Variants in PPP3CA observed in about 807,000 individuals in gnomAD.
PPP3CA encodes CAM-PRP catalytic subunit.
Under a neutral mutation model 66.5 loss-of-function variants are expected in PPP3CA, and 14 were observed. The observed-to-expected ratio is 0.21, with a 90% CI of 0.14 to 0.33. The LOEUF (loss-of-function observed/expected upper bound fraction) is 0.33, where lower values mean the gene tolerates loss of function less well. Ranked by LOEUF, PPP3CA falls within the 10% of genes least tolerant of loss-of-function variation. The pLI is 1.00. For missense variants in PPP3CA, 317 were observed against 639.5 expected (o/e 0.50, Z 5.44); for synonymous variants, 232 against 226.2 (o/e 1.03, Z -0.23).
chr4:101,220,615 T>C (rs1725595273), intron 1 of PPP3CA, among the ~76,000 whole-genome samples: 1 of 151,734 alleles, frequency 6.6e-6, no homozygotes. Context: ...TGTTTGTTTT[T>C]CTTAATTATT....
chr4:101,040,052 A>G (rs1727437821), intron 11 of PPP3CA, among the ~76,000 whole-genome samples: 1 of 152,208 alleles, frequency 6.6e-6, no homozygotes, highest in African/African-American at 2.4e-5. Context: ...AATAACATAG[A>G]TTCACATGAA....
At chr4:101,144,376 G>A (rs75372805) in intron 2 of PPP3CA, among the ~76,000 whole-genome samples, 6,058 of 152,192 alleles carry the variant, frequency 0.04, 201 homozygotes, top group Middle Eastern at 0.11. Flanking sequence ...CCCTCAGCTG[G>A]AAAATAGTAT....
intron 1 of PPP3CA, among the ~76,000 whole-genome samples, chr4:101,301,746 CT>C: frequency 6.7e-6 from 1 of 149,464 alleles, no homozygotes; most frequent in Non-Finnish European, 1.5e-5. Flanking sequence ...CCGCCTCAGC[CT>C]CCCAAAGTGC....
At chr4:101,038,660 G>A (rs1370439915) in intron 11 of PPP3CA, among the ~76,000 whole-genome samples, 1 of 152,188 alleles carries the variant, frequency 6.6e-6, no homozygotes, top group African/African-American at 2.4e-5. Context: ...GAGCCACCAC[G>A]CCCGGCCACT....
At chr4:101,229,516 T>C (rs185597290) in intron 1 of PPP3CA, among the ~76,000 whole-genome samples, 1 of 151,758 alleles carries the variant, frequency 6.6e-6, no homozygotes, top group Non-Finnish European at 1.5e-5. Context: ...GTTCTTGTAC[T>C]TTTCAAGAAC....
chr4:101,091,287 C>T (rs753896409), intron 6 of PPP3CA, among the ~76,000 whole-genome samples: 15 of 152,250 alleles, frequency 9.9e-5, no homozygotes, highest in Non-Finnish European at 1.3e-4. Flanking sequence ...CGTACTTTAA[C>T]AATGCCAACT....
At chr4:101,156,231 C>T (rs1723314558) in intron 2 of PPP3CA, among the ~76,000 whole-genome samples, 1 of 152,218 alleles carries the variant, frequency 6.6e-6, no homozygotes, top group Non-Finnish European at 1.5e-5. Context: ...ACAGAGGGTG[C>T]TTCCACATCT....
At chr4:101,280,623 C>T (rs1161287998) in intron 1 of PPP3CA, among the ~76,000 whole-genome samples, 1 of 151,974 alleles carries the variant, frequency 6.6e-6, no homozygotes, top group Non-Finnish European at 1.5e-5. Context: ...AGTTCGAGAC[C>T]GGCCTAGCCA....
At position 101,113,017 on chromosome 4, in the gene PPP3CA, C is replaced by T. The variant is rs530430109; in HGVS notation, c.260-3939G>A. Reference sequence around the variant, plus strand: ...AAGAGGCCAGAGATTTTGAGATACCCTTGTGATTGATAGAGATTGACAAGT... The same window carrying T: ...AAGAGGCCAGAGATTTTGAGATACCTTTGTGATTGATAGAGATTGACAAGT... On this transcript the variant is annotated intron_variant, in intron 2 of 13. Transcript: ENST00000394854. Among the ~76,000 whole-genome samples, 13 of 152,222 alleles carry T rather than the reference C, an allele frequency of 8.5e-5. 1 individual carries two copies. Among genetic ancestry groups the T allele is most frequent in the Non-Finnish European group, 1.8e-4 (12 of 68,004 alleles).
At chr4:101,114,143 T>G (rs1399221934) in intron 2 of PPP3CA, among the ~76,000 whole-genome samples, 1 of 152,096 alleles carries the variant, frequency 6.6e-6, no homozygotes, top group Non-Finnish European at 1.5e-5. Context: ...ATACAAGTAT[T>G]TAAAACACTC....
At chr4:101,134,818 T>TG (rs1722563689) in intron 2 of PPP3CA, among the ~76,000 whole-genome samples, 1 of 152,122 alleles carries the variant, frequency 6.6e-6, no homozygotes, top group African/African-American at 2.4e-5. Context: ...AGCAAAGACT[T>TG]GGGGACAATC....
chr4:101,257,884 C>T (rs1726896616), intron 1 of PPP3CA, among the ~76,000 whole-genome samples: 1 of 152,010 alleles, frequency 6.6e-6, no homozygotes, highest in South Asian at 2.1e-4. Context: ...CAAAACGTGA[C>T]CAAAAATAAT....
Position 101,106,410 on chromosome 4 carries a change from AAAGAAAG to A in PPP3CA, c.384+2537_384+2543del, listed in dbSNP as rs1560604823. ...GAAAGAAAGAAAGAAAGAAAGAAAG[AAAGAAAG>A]AAAGAAAGAAAGAAAGAAAGAAAGA... On this transcript the variant is annotated intron_variant, in intron 3 of 13. Transcript: ENST00000394854. Among the ~76,000 whole-genome samples the A allele has an allele frequency of 9.8e-4, 10 of 10,242 alleles. 1 individual carries two copies. The highest frequency in any genetic ancestry group is 3.2e-3 in the African/African-American group (10 of 3,104). 6.7% of individuals were successfully genotyped at this position (10,242 alleles called of 152,430 possible). A position where few individuals can be genotyped will look rare whatever the true frequency, so the allele number is the denominator to read the frequency against.
intron 1 of PPP3CA, among the ~76,000 whole-genome samples, chr4:101,215,598 C>T (rs1410402000): frequency 1.3e-5 from 2 of 151,928 alleles, no homozygotes; most frequent in Admixed American, 6.6e-5. Flanking sequence ...CAGAAAAAAA[C>T]TAAATGAAGG....
intron 2 of PPP3CA, among the ~76,000 whole-genome samples, chr4:101,181,949 G>A (rs918467654): frequency 1.3e-5 from 2 of 152,070 alleles, no homozygotes; most frequent in African/African-American, 4.8e-5. Context: ...GAATAAAAAG[G>A]TAAGATTTTG....
intron 11 of PPP3CA, among the ~76,000 whole-genome samples, chr4:101,033,233 C>T (rs1018428453): frequency 6.6e-6 from 1 of 151,632 alleles, no homozygotes; most frequent in Non-Finnish European, 1.5e-5. Context: ...TACACATATA[C>T]ACAAACATAC....
chr4:101,044,214 C>T (rs573078553), intron 10 of PPP3CA, among the ~76,000 whole-genome samples: 1 of 152,248 alleles, frequency 6.6e-6, no homozygotes, highest in East Asian at 1.9e-4. Context: ...CTTAGTATTG[C>T]TATTCCAGGT....
intron 5 of PPP3CA, among the ~76,000 whole-genome samples, chr4:101,096,356 C>T (rs371603276): frequency 6.6e-6 from 1 of 152,106 alleles, no homozygotes; most frequent in Non-Finnish European, 1.5e-5. Flanking sequence ...CCATGAGTTT[C>T]ATTAACAAAA....
intron 1 of PPP3CA, among the ~76,000 whole-genome samples, chr4:101,244,432 C>T (rs1726410654): frequency 6.6e-6 from 1 of 152,106 alleles, no homozygotes; most frequent in African/African-American, 2.4e-5. Context: ...CCTGGAACAG[C>T]ACACAAAGAA....
Sources: gnomAD v4.1 joint callset for allele counts (sites outside exome capture counted in the v4.1 genomes callset) on GRCh38, gnomAD v4.1.1 for gene constraint, MANE v1.5 for transcripts, NCBI Gene and HGNC (gene_info 2026-07-23, HGNC 2026-07-21) for gene names.